SYN3: variants seen among roughly 807,000 people sequenced by gnomAD.
SYN3 encodes the protein synapsin-3.
Under a neutral mutation model 65.8 loss-of-function variants are expected in SYN3, and 35 were observed. The observed-to-expected ratio is 0.53, with a 90% CI of 0.41 to 0.70. The LOEUF is 0.70. Ranked by LOEUF, SYN3 falls within the 30% of genes least tolerant of loss-of-function variation. SYN3 has a pLI of 0.00. For missense variants in SYN3, 680 were observed against 749.0 expected (o/e 0.91, Z 1.08); for synonymous variants, 270 against 292.9 (o/e 0.92, Z 0.80).
chr22:32,738,200 G>T (rs982682783), intron 6 of SYN3, among the ~76,000 whole-genome samples: 2 of 152,104 alleles, frequency 1.3e-5, no homozygotes, highest in African/African-American at 4.8e-5. Context: ...GTTTCAAGAG[G>T]GCTCTGGGTT....
chr22:32,859,750 A>C, intron 6 of SYN3: 2 of 263,774 alleles, frequency 7.6e-6, no homozygotes, highest in Non-Finnish European at 1.5e-5. Context: ...CTTCTTCCCC[A>C]CCTCACCATC....
At chr22:32,729,791 A>T (rs896395474) in intron 6 of SYN3, among the ~76,000 whole-genome samples, 1 of 152,136 alleles carries the variant, frequency 6.6e-6, no homozygotes, top group African/African-American at 2.4e-5. Flanking sequence ...GGTCATTGGA[A>T]TCCCTTCTCT....
intron 6 of SYN3, among the ~76,000 whole-genome samples, chr22:32,779,942 G>A (rs902183010): frequency 1.3e-5 from 2 of 151,948 alleles, no homozygotes; most frequent in Admixed American, 6.6e-5. Context: ...GTGAGGCGGT[G>A]CAAACCTCTG....
chr22:32,758,322 A>G (rs1341189327), intron 6 of SYN3, among the ~76,000 whole-genome samples: 1 of 152,124 alleles, frequency 6.6e-6, no homozygotes. Context: ...GGTTAATACT[A>G]AGTGTCAACT....
intron 6 of SYN3, among the ~76,000 whole-genome samples, chr22:32,668,016 C>T (rs1286525948): frequency 6.6e-6 from 1 of 151,720 alleles, no homozygotes; most frequent in Non-Finnish European, 1.5e-5. Flanking sequence ...GGATGGTCTC[C>T]ATCTCCTGAC....
At chr22:33,023,345 A>G (rs184206357) in intron 1 of SYN3, among the ~76,000 whole-genome samples, 14 of 152,302 alleles carry the variant, frequency 9.2e-5, no homozygotes, top group Non-Finnish European at 1.8e-4. Context: ...TGATGGTTTT[A>G]TAAAAGGGGA....
At chr22:32,709,749 A>G (rs2060930371) in intron 6 of SYN3, among the ~76,000 whole-genome samples, 1 of 151,778 alleles carries the variant, frequency 6.6e-6, no homozygotes, top group Non-Finnish European at 1.5e-5. Flanking sequence ...TCCTTTTTAC[A>G]TAAATGGGAT....
At chr22:32,774,286 G>A (rs1435356718) in intron 6 of SYN3, among the ~76,000 whole-genome samples, 1 of 152,166 alleles carries the variant, frequency 6.6e-6, no homozygotes, top group Non-Finnish European at 1.5e-5. Flanking sequence ...GAAGTCAGTG[G>A]ATTAGGGCGG....
intron 1 of SYN3, among the ~76,000 whole-genome samples, chr22:33,048,328 A>G (rs2054102763): frequency 6.6e-6 from 1 of 152,198 alleles, no homozygotes; most frequent in South Asian, 2.1e-4. Flanking sequence ...GCATGAGGGT[A>G]TGGCAACACT....
intron 6 of SYN3, among the ~76,000 whole-genome samples, chr22:32,776,331 C>G (rs545232232): frequency 2.3e-4 from 35 of 152,230 alleles, no homozygotes; most frequent in Non-Finnish European, 4.9e-4. Flanking sequence ...TTTGTTATGG[C>G]AGCCCAAGGA....
At chr22:32,685,029 C>T (rs1253061213) in intron 6 of SYN3, among the ~76,000 whole-genome samples, 6 of 152,150 alleles carry the variant, frequency 3.9e-5, no homozygotes, top group African/African-American at 1.2e-4. Context: ...TGGGACACAG[C>T]CATGCCCCAT....
rs750177540 is a variant in SYN3 at position 32,529,045 on chromosome 22, C to T, written c.1096-37G>A. Reference sequence around the variant, plus strand: ...AAGGGAGAGCTGAGGGACCCCCATGCCAGGAGAGATGGCGGTTGGGCATCA... The same window carrying T: ...AAGGGAGAGCTGAGGGACCCCCATGTCAGGAGAGATGGCGGTTGGGCATCA... On this transcript the variant is annotated intron_variant, in intron 10 of 13. Coordinates refer to ENST00000358763, the MANE Select transcript of SYN3 (RefSeq NM_003490.4). 1.1e-5 allele frequency: 18 copies of T among 1,612,330 alleles called. No individual in the cohort carries two copies. The South Asian group carries it at 2.0e-4, about 18-fold the overall frequency.
At chr22:32,982,564 T>C (rs184363867) in intron 2 of SYN3, among the ~76,000 whole-genome samples, 19 of 152,374 alleles carry the variant, frequency 1.2e-4, no homozygotes, top group African/African-American at 3.6e-4. Context: ...TCTCTTCATA[T>C]TGTTTTCATA....
chr22:32,559,348 A>T (rs1283720099), intron 7 of SYN3, among the ~76,000 whole-genome samples: 1 of 152,214 alleles, frequency 6.6e-6, no homozygotes, highest in African/African-American at 2.4e-5. Flanking sequence ...TATTAGGTGG[A>T]GATGAGAGAT....
At chr22:32,864,429 AGAG>A (rs1478791818) in intron 6 of SYN3, 2 of 155,836 alleles carry the variant, frequency 1.3e-5, no homozygotes, top group African/African-American at 4.8e-5. Context: ...CCTGCTTCCC[AGAG>A]GAGATCTCAG....
At chr22:32,905,096 C>T (rs145594577) in intron 4 of SYN3, among the ~76,000 whole-genome samples, 5 of 152,064 alleles carry the variant, frequency 3.3e-5, no homozygotes, top group Non-Finnish European at 5.9e-5. Flanking sequence ...GAGTCTCTTG[C>T]GAGCTCGAAT....
intron 4 of SYN3, among the ~76,000 whole-genome samples, chr22:32,919,396 A>AG (rs2050275418): frequency 6.6e-6 from 1 of 152,212 alleles, no homozygotes; most frequent in Admixed American, 6.5e-5. Flanking sequence ...TCAGCTCCAC[A>AG]GGAGCTACTG....
intron 6 of SYN3, among the ~76,000 whole-genome samples, chr22:32,611,226 C>T (rs1226519248): frequency 6.6e-6 from 1 of 151,328 alleles, no homozygotes; most frequent in Non-Finnish European, 1.5e-5. Context: ...TCCGTCTCAT[C>T]CACTGTTGTA....
intron 3 of SYN3, among the ~76,000 whole-genome samples, chr22:32,950,332 G>A: frequency 6.6e-6 from 1 of 152,114 alleles, no homozygotes; most frequent in Admixed American, 6.5e-5. Context: ...CTACTGGTCA[G>A]GAATCACAAT....
Sources: allele counts gnomAD v4.1 joint callset (sites outside exome capture counted in the v4.1 genomes callset), GRCh38; gene constraint gnomAD v4.1.1; transcripts MANE v1.5; gene names NCBI Gene and HGNC (gene_info 2026-07-23, HGNC 2026-07-21).